FGF12: variants seen among roughly 807,000 people sequenced by gnomAD.
FGF12 encodes the protein fibroblast growth factor 12, also known as fibroblast growth factor 12B.
Under a neutral mutation model 23.6 loss-of-function variants are expected in FGF12, and 14 were observed. That is an observed-to-expected ratio of 0.59 (90% CI 0.39 to 0.93). FGF12 has a LOEUF of 0.93. Among genes scored for constraint, FGF12 ranks in the 40% least tolerant of loss-of-function variants. FGF12 has a pLI of 0.00. For synonymous variants in FGF12, 62 were observed against 77.3 expected (o/e 0.80, Z 1.04); for missense variants, 175 against 217.8 (o/e 0.80, Z 1.24).
intron 2 of FGF12, among the ~76,000 whole-genome samples, chr3:192,705,925 T>C (rs187741835): frequency 8.5e-5 from 13 of 152,370 alleles, no homozygotes; most frequent in African/African-American, 3.1e-4. Context: ...TTACAATTAT[T>C]CATTTTTTGG....
At chr3:192,379,793 A>G (rs546996924) in intron 2 of FGF12, among the ~76,000 whole-genome samples, 1 of 152,244 alleles carries the variant, frequency 6.6e-6, no homozygotes, top group Non-Finnish European at 1.5e-5. Context: ...TCCAGGATTC[A>G]GGAGACTTAA....
intron 2 of FGF12, among the ~76,000 whole-genome samples, chr3:192,650,531 A>G (rs1716178088): frequency 6.6e-6 from 1 of 152,148 alleles, no homozygotes; most frequent in Non-Finnish European, 1.5e-5. Flanking sequence ...CCCTATACCT[A>G]TTATTTATCT....
At chr3:192,385,048 TG>T (rs1719983733) in intron 2 of FGF12, among the ~76,000 whole-genome samples, 1 of 152,184 alleles carries the variant, frequency 6.6e-6, no homozygotes, top group Non-Finnish European at 1.5e-5. Flanking sequence ...GGAGATGACC[TG>T]GCTTTTCAGG....
intron 2 of FGF12, among the ~76,000 whole-genome samples, chr3:192,400,369 CTTT>C (rs5855423): frequency 2.3e-5 from 3 of 130,754 alleles, no homozygotes; most frequent in South Asian, 2.5e-4. Context: ...ACATTCTTTT[CTTT>C]TTTTTTTTTT....
At chr3:192,565,160 G>T (rs539008994) in intron 2 of FGF12, among the ~76,000 whole-genome samples, 1 of 152,226 alleles carries the variant, frequency 6.6e-6, no homozygotes, top group Non-Finnish European at 1.5e-5. Context: ...GCATATTTTG[G>T]TAATATAATG....
intron 2 of FGF12, among the ~76,000 whole-genome samples, chr3:192,429,004 C>T (rs1385998680): frequency 6.6e-6 from 1 of 152,044 alleles, no homozygotes; most frequent in East Asian, 1.9e-4. Context: ...TATTTATACA[C>T]TGATATATGT....
intron 2 of FGF12, among the ~76,000 whole-genome samples, chr3:192,469,497 C>G (rs1358457230): frequency 6.6e-6 from 1 of 152,128 alleles, no homozygotes; most frequent in East Asian, 1.9e-4. Flanking sequence ...AACCTGGCTC[C>G]CAGAGGACAA....
chr3:192,342,029 A>C (rs1342798566), intron 3 of FGF12, among the ~76,000 whole-genome samples: 1 of 150,246 alleles, frequency 6.7e-6, no homozygotes, highest in Non-Finnish European at 1.5e-5. Context: ...AGTGACGAAC[A>C]TAACAGTTGT....
At chr3:192,511,577 T>G (rs1483379655) in intron 2 of FGF12, among the ~76,000 whole-genome samples, 1 of 152,216 alleles carries the variant, frequency 6.6e-6, no homozygotes, top group African/African-American at 2.4e-5. Context: ...CTTGCTTTAC[T>G]TCCCCTTTAA....
intron 4 of FGF12, among the ~76,000 whole-genome samples, chr3:192,184,552 CAT>C (rs1288145755): frequency 1.3e-5 from 2 of 152,142 alleles, no homozygotes; most frequent in African/African-American, 4.8e-5. Context: ...GTAGAATTGC[CAT>C]GTGTGGGCAA....
At chr3:192,546,965 C>T (rs1222391396) in intron 2 of FGF12, among the ~76,000 whole-genome samples, 7 of 151,994 alleles carry the variant, frequency 4.6e-5, no homozygotes, top group African/African-American at 1.4e-4. Context: ...GTGGGAGGAT[C>T]GCTTGAGCCC....
chr3:192,141,210 A>G lies in FGF12; in HGVS notation c.*2799T>C, dbSNP rs970338940. ...AATGAATTGAAGACCCAGAAATCAG[A>G]ACAATGAAAATCAAAGAATTATTAT... On this transcript the variant is annotated 3_prime_UTR_variant, in exon 6 of 6. Transcript: ENST00000445105. 1 of 151,444 alleles carries G rather than the reference A, an allele frequency of 6.6e-6. No homozygotes were observed. Among genetic ancestry groups the G allele is most frequent in the Non-Finnish European group, 1.5e-5 (1 of 67,704 alleles). 9.4% of individuals were successfully genotyped at this position (151,444 alleles called of 1,614,324 possible).
intron 4 of FGF12, among the ~76,000 whole-genome samples, chr3:192,283,727 G>A (rs1714287397): frequency 6.6e-6 from 1 of 151,900 alleles, no homozygotes; most frequent in Non-Finnish European, 1.5e-5. Context: ...TGATGCACTG[G>A]GCCATGTAAA....
At chr3:192,399,092 T>C (rs1019536483) in intron 2 of FGF12, among the ~76,000 whole-genome samples, 1 of 151,698 alleles carries the variant, frequency 6.6e-6, no homozygotes, top group Non-Finnish European at 1.5e-5. Context: ...TTTTGGGATA[T>C]CATTAAACAC....
rs139879417 is a variant in FGF12, at chr3:192,595,395, C to T, written c.13+131786G>A. ...TTCAACACAGTTTCCTCCTCCCACT[C>T]CTGATAATCTTATTTCCAGTCCTTT... is the stretch of plus-strand genomic sequence containing the variant. On this transcript the variant is annotated intron_variant, in intron 2 of 5. Transcript: ENST00000445105. Among the ~76,000 whole-genome samples the T allele has an allele frequency of 3.9e-3, 593 of 152,344 alleles. 1 individual carries two copies. The highest frequency in any genetic ancestry group is 4.8e-3 in the South Asian group (23 of 4,826).
chr3:192,625,910 T>C (rs998671356), intron 2 of FGF12, among the ~76,000 whole-genome samples: 1 of 152,166 alleles, frequency 6.6e-6, no homozygotes, highest in Non-Finnish European at 1.5e-5. Flanking sequence ...AGGTTAGGAT[T>C]AAAGGGTTAA....
chr3:192,710,879 C>A (rs1301472840), intron 2 of FGF12, among the ~76,000 whole-genome samples: 1 of 152,174 alleles, frequency 6.6e-6, no homozygotes. Context: ...CCCTCACAGC[C>A]AGGTCTTTCC....
At chr3:192,454,946 T>G in intron 2 of FGF12, among the ~76,000 whole-genome samples, 1 of 152,138 alleles carries the variant, frequency 6.6e-6, no homozygotes, top group East Asian at 1.9e-4. Flanking sequence ...TTTTACAATA[T>G]TTCCACTTTC....
At chr3:192,614,848 G>A (rs974847138) in intron 2 of FGF12, among the ~76,000 whole-genome samples, 2 of 151,996 alleles carry the variant, frequency 1.3e-5, no homozygotes, top group African/African-American at 2.4e-5. Context: ...TCTCTAGACA[G>A]AGGAGCACTT....
Sources: gnomAD v4.1 joint callset for allele counts (sites outside exome capture counted in the v4.1 genomes callset) on GRCh38, gnomAD v4.1.1 for gene constraint, MANE v1.5 for transcripts, NCBI Gene and HGNC (gene_info 2026-07-23, HGNC 2026-07-21) for gene names.